The following GRXCR1 variants were observed in gnomAD, a reference collection of about 807,000 sequenced individuals.
GRXCR1 encodes the protein glutaredoxin and cysteine rich domain containing 1.
A neutral mutation model predicts 27.3 loss-of-function variants in GRXCR1; 27 were observed. The observed-to-expected ratio is 0.99, with a 90% CI of 0.73 to 1.37. GRXCR1 has a LOEUF of 1.37. GRXCR1 is among the 40% of genes most tolerant of loss of function. The pLI is 0.00. For synonymous variants in GRXCR1, 122 were observed against 131.1 expected (o/e 0.93, Z 0.47); for missense variants, 379 against 354.4 (o/e 1.07, Z -0.56).
chr4:43,003,000 A>C (rs1333797672), intron 2 of GRXCR1, among the ~76,000 whole-genome samples: 1 of 152,178 alleles, frequency 6.6e-6, no homozygotes, highest in Non-Finnish European at 1.5e-5. Context: ...CTCAAGAGAT[A>C]TGATGGTTTA....
intron 1 of GRXCR1, among the ~76,000 whole-genome samples, chr4:42,962,370 A>G (rs1042019179): frequency 2.0e-5 from 3 of 151,992 alleles, no homozygotes; most frequent in African/African-American, 4.8e-5. Context: ...GCCCTTGCAC[A>G]TATGTCATGC....
intron 2 of GRXCR1, among the ~76,000 whole-genome samples, chr4:43,011,422 G>A (rs959925242): frequency 6.6e-6 from 1 of 152,102 alleles, no homozygotes; most frequent in African/African-American, 2.4e-5. Context: ...TTTGGCAGTT[G>A]TTGAGTACCT....
At chr4:42,925,573 C>A (rs114109659) in intron 1 of GRXCR1, among the ~76,000 whole-genome samples, 1 of 151,902 alleles carries the variant, frequency 6.6e-6, no homozygotes, top group African/African-American at 2.4e-5. Context: ...TCTTAATGAC[C>A]TTCTCAGAAT....
chr4:42,970,108 G>T (rs540837320), intron 2 of GRXCR1, among the ~76,000 whole-genome samples: 1 of 152,218 alleles, frequency 6.6e-6, no homozygotes, highest in Admixed American at 6.5e-5. Context: ...TCACATCCAG[G>T]GTATGCTAAT....
chr4:42,940,943 T>C (rs1362861412), intron 1 of GRXCR1, among the ~76,000 whole-genome samples: 1 of 152,076 alleles, frequency 6.6e-6, no homozygotes, highest in Non-Finnish European at 1.5e-5. Context: ...AAGTCTCTTA[T>C]TAAGGTTTAT....
intron 1 of GRXCR1, among the ~76,000 whole-genome samples, chr4:42,941,150 A>C (rs1265786631): frequency 6.6e-6 from 1 of 151,750 alleles, no homozygotes; most frequent in African/African-American, 2.4e-5. Context: ...CCATAAATCT[A>C]CCTCACTGAG....
chr4:43,028,444 A>G (rs184668473), intron 3 of GRXCR1, among the ~76,000 whole-genome samples: 104 of 152,314 alleles, frequency 6.8e-4, no homozygotes, highest in African/African-American at 2.4e-3. Flanking sequence ...TCTAGCAGTA[A>G]TGAGTAAAGG....
chr4:42,922,907 A>G (rs1747052507), intron 1 of GRXCR1, among the ~76,000 whole-genome samples: 1 of 152,036 alleles, frequency 6.6e-6, no homozygotes, highest in South Asian at 2.1e-4. Flanking sequence ...TCACAGTGCT[A>G]AATAGTAAGA....
At chr4:42,983,781 T>G (rs529857519) in intron 2 of GRXCR1, among the ~76,000 whole-genome samples, 2 of 152,142 alleles carry the variant, frequency 1.3e-5, no homozygotes, top group East Asian at 3.9e-4. Context: ...TTTTTCTTTT[T>G]TCTCCTCTAA....
intron 2 of GRXCR1, among the ~76,000 whole-genome samples, chr4:42,999,531 C>T (rs993518330): frequency 6.6e-5 from 10 of 152,182 alleles, no homozygotes; most frequent in Admixed American, 2.0e-4. Flanking sequence ...AAAAACAAAG[C>T]ATCTTTCTTT....
intron 1 of GRXCR1, among the ~76,000 whole-genome samples, chr4:42,904,560 G>A (rs1044283421): frequency 2.6e-5 from 4 of 152,156 alleles, no homozygotes; most frequent in Admixed American, 2.6e-4. Flanking sequence ...GTGGGAAAAT[G>A]TACTTATCTT....
chr4:42,902,265 A>C (rs1746478042), intron 1 of GRXCR1, among the ~76,000 whole-genome samples: 1 of 152,174 alleles, frequency 6.6e-6, no homozygotes, highest in Non-Finnish European at 1.5e-5. Context: ...TACATCAATA[A>C]AGTTAAACTA....
chr4:42,987,222 TTATATATTATATATATATAATATATA>T (rs1711774040), intron 2 of GRXCR1, among the ~76,000 whole-genome samples: 1 of 100,594 alleles, frequency 9.9e-6, no homozygotes, highest in Non-Finnish European at 1.9e-5. Flanking sequence ...TATATATATA[TTATATATTATATATATATAATATATA>T]ATATATATAT....
intron 1 of GRXCR1, among the ~76,000 whole-genome samples, chr4:42,907,750 G>A (rs1746628875): frequency 6.6e-6 from 1 of 152,170 alleles, no homozygotes; most frequent in Non-Finnish European, 1.5e-5. Context: ...ATCATGATGA[G>A]CCCAAAGTGA....
rs182232724 is a variant in GRXCR1, at chr4:42,919,474, T to G, written c.384+25824T>G. Among the ~76,000 whole-genome samples the G allele has an allele frequency of 2.0e-5, 3 of 152,284 alleles. No individual in the cohort carries two copies. In the East Asian group the frequency reaches 5.8e-4, roughly 29 times the overall value. ...TGCCATTCACTTTTGCTTTACATTT[T>G]ATAATGATACGCTACAAAACTTTAT... On this transcript the variant is annotated intron_variant, in intron 1 of 3. Transcript: ENST00000399770.
At chr4:42,967,033 T>G (rs1197326998) in intron 2 of GRXCR1, among the ~76,000 whole-genome samples, 5 of 152,032 alleles carry the variant, frequency 3.3e-5, no homozygotes, top group Admixed American at 2.6e-4. Flanking sequence ...AGAGCAAAAA[T>G]TTTTTAAGAT....
At chr4:42,933,851 G>A (rs1747390012) in intron 1 of GRXCR1, among the ~76,000 whole-genome samples, 1 of 151,794 alleles carries the variant, frequency 6.6e-6, no homozygotes, top group Admixed American at 6.6e-5. Context: ...TGTTATAGCA[G>A]CCTGAACACA....
intron 2 of GRXCR1, among the ~76,000 whole-genome samples, chr4:43,011,743 T>C (rs1011817578): frequency 6.6e-6 from 1 of 152,200 alleles, no homozygotes; most frequent in Non-Finnish European, 1.5e-5. Context: ...TAGTGCCTTA[T>C]AAAAATGGGA....
At chr4:43,010,020 T>C (rs898194063) in intron 2 of GRXCR1, among the ~76,000 whole-genome samples, 1 of 152,152 alleles carries the variant, frequency 6.6e-6, no homozygotes, top group Admixed American at 6.6e-5. Context: ...GACTCTTCTA[T>C]ATTGTTGTAC....
Sources: allele counts gnomAD v4.1 joint callset (sites outside exome capture counted in the v4.1 genomes callset), GRCh38; gene constraint gnomAD v4.1.1; transcripts MANE v1.5; gene names NCBI Gene and HGNC (gene_info 2026-07-23, HGNC 2026-07-21).